SBF2: variants seen among roughly 807,000 people sequenced by gnomAD.
SBF2 encodes SET binding factor 2.
Under a neutral mutation model 225.2 loss-of-function variants are expected in SBF2, and 112 were observed. The observed-to-expected ratio is 0.50, with a 90% CI of 0.43 to 0.58. The LOEUF is 0.58. Among genes scored for constraint, SBF2 ranks in the 20% least tolerant of loss-of-function variants. The pLI is 0.00. For missense variants in SBF2, 1,996 were observed against 2,206.2 expected, an observed-to-expected ratio of 0.90 and a Z score of 1.91; for synonymous variants, 763 against 773.3, an observed-to-expected ratio of 0.99 and a Z score of 0.22.
intron 2 of SBF2, among the ~76,000 whole-genome samples, chr11:10,098,488 A>C (rs904324008): frequency 2.0e-5 from 3 of 151,622 alleles, no homozygotes; most frequent in African/African-American, 7.3e-5. Context: ...AAAAAAAAAA[A>C]CAAAGAAATA....
At chr11:10,103,721 C>G (rs936466300) in intron 2 of SBF2, among the ~76,000 whole-genome samples, 2 of 152,154 alleles carry the variant, frequency 1.3e-5, no homozygotes, top group African/African-American at 4.8e-5. Context: ...TTTTAGGACT[C>G]TCATGGAGAG....
intron 2 of SBF2, among the ~76,000 whole-genome samples, chr11:10,064,397 G>A (rs1373983323): frequency 6.6e-6 from 1 of 151,980 alleles, no homozygotes; most frequent in East Asian, 1.9e-4. Flanking sequence ...CTAAAAGAAG[G>A]CTGAAAAATA....
At chr11:9,928,782 G>A (rs560421114) in intron 16 of SBF2, 8 of 188,258 alleles carry the variant, frequency 4.2e-5, no homozygotes, top group Admixed American at 2.9e-4. Context: ...ACTGGAATAC[G>A]TTCTTAAATA....
At chr11:10,242,384 A>G (rs1026697326) in intron 1 of SBF2, among the ~76,000 whole-genome samples, 2 of 151,944 alleles carry the variant, frequency 1.3e-5, no homozygotes, top group Non-Finnish European at 2.9e-5. Context: ...AGATAAAAAG[A>G]AAAAAAAGTA....
chr11:10,065,188 C>A, intron 2 of SBF2, among the ~76,000 whole-genome samples: 1 of 151,392 alleles, frequency 6.6e-6, no homozygotes, highest in East Asian at 1.9e-4. Flanking sequence ...AAGAAGAAGT[C>A]AAAAGAAAAA....
chr11:10,282,797 A>AT (rs1963501853), intron 1 of SBF2, among the ~76,000 whole-genome samples: 1 of 151,542 alleles, frequency 6.6e-6, no homozygotes, highest in Admixed American at 6.6e-5. Flanking sequence ...AAGAGCTACC[A>AT]TTTTTCAACA....
chr11:9,925,300 A>AT lies in SBF2; in HGVS notation c.1861-29290dup, dbSNP rs902120377. 6.6e-5 allele frequency among the ~76,000 whole-genome samples: 10 copies of AT among 151,738 alleles called. 1 individual carries two copies. The highest frequency in any genetic ancestry group is 4.2e-4 in the South Asian group (2 of 4,814). On this transcript the variant is annotated intron_variant, in intron 16 of 39. Coordinates refer to ENST00000256190, the MANE Select transcript of SBF2 (RefSeq NM_030962.4). Reference sequence around the variant, plus strand: ...TCACTAATGATATATATATATATATATTTTTAGATGGAGTTTTGCTCTTGG... The same window carrying AT: ...TCACTAATGATATATATATATATATATTTTTTAGATGGAGTTTTGCTCTTGG...
At chr11:9,822,148 T>C (rs988916329) in intron 28 of SBF2, among the ~76,000 whole-genome samples, 1 of 152,122 alleles carries the variant, frequency 6.6e-6, no homozygotes, top group Non-Finnish European at 1.5e-5. Flanking sequence ...ACCTTAAAAG[T>C]CTATATTATT....
chr11:10,036,729 A>G (rs1313669449), intron 3 of SBF2, among the ~76,000 whole-genome samples: 1 of 152,158 alleles, frequency 6.6e-6, no homozygotes, highest in African/African-American at 2.4e-5. Context: ...AGTATCCTAT[A>G]CTCTTATATG....
chr11:10,115,308 T>A (rs993632830), intron 2 of SBF2, among the ~76,000 whole-genome samples: 2 of 152,224 alleles, frequency 1.3e-5, no homozygotes, highest in African/African-American at 4.8e-5. Context: ...TGTGTATTTT[T>A]AGAGTAATTG....
At chr11:10,151,723 A>T (rs1252277443) in intron 2 of SBF2, among the ~76,000 whole-genome samples, 1 of 152,174 alleles carries the variant, frequency 6.6e-6, no homozygotes, top group Non-Finnish European at 1.5e-5. Flanking sequence ...TATAACATAA[A>T]ATTATGGACT....
intron 5 of SBF2, 86 bp from the exon 6 acceptor site, chr11:10,028,643 A>T: frequency 9.2e-6 from 8 of 865,202 alleles, no homozygotes; most frequent in Non-Finnish European, 1.6e-5. Context: ...GTTCATTTTT[A>T]GAGCAAACGA....
intron 39 of SBF2, chr11:9,780,779 T>TTGAC: frequency 2.2e-6 from 1 of 465,028 alleles, no homozygotes; most frequent in South Asian, 2.1e-5. Context: ...AGTGTCGTCT[T>TTGAC]TGACTAAGGA....
In SBF2 at chr11:10,303,373, G is replaced by A. The variant is rs1964615772; in HGVS notation, n.386+1119C>T. 1.3e-5 allele frequency: 2 copies of A among 152,330 alleles called. No homozygotes were observed. Among genetic ancestry groups the A allele is most frequent in the East Asian group, 1.9e-4 (1 of 5,196 alleles). 9.4% of individuals were successfully genotyped at this position (152,330 alleles called of 1,614,324 possible). ...GGTCCGCTCAGGTGACTCCTTCCAG[G>A]AAGAGTCCTTAAATAACTTCCGCGC... On this transcript the variant is annotated intron_variant and non_coding_transcript_variant, in intron 1 of 5. Transcript: ENST00000685217. The surrounding 1 kb of genome is among the most constrained non-coding windows in gnomAD (Gnocchi z 5.2).
chr11:9,958,835 C>A, intron 16 of SBF2: 1 of 611,552 alleles, frequency 1.6e-6, no homozygotes, highest in Admixed American at 2.1e-5. Context: ...GGCAGAGAGG[C>A]AATGATCTTC....
chr11:10,120,623 T>C (rs1953392580), intron 2 of SBF2, among the ~76,000 whole-genome samples: 1 of 152,180 alleles, frequency 6.6e-6, no homozygotes, highest in African/African-American at 2.4e-5. Context: ...TGTTTGTTTT[T>C]TCTTCTGTTT....
chr11:9,781,742 T>C, intron 38 of SBF2, 104 bp from the exon 39 acceptor site: 1 of 1,277,840 alleles, frequency 7.8e-7, no homozygotes, highest in South Asian at 1.2e-5. Flanking sequence ...TGGTTATATA[T>C]GCTGAACTAT....
At chr11:10,135,036 G>A (rs1193695650) in intron 2 of SBF2, among the ~76,000 whole-genome samples, 4 of 152,216 alleles carry the variant, frequency 2.6e-5, no homozygotes, top group African/African-American at 9.7e-5. Context: ...GGACATCCAG[G>A]CATTTCCACA....
intron 16 of SBF2, among the ~76,000 whole-genome samples, chr11:9,899,584 C>T (rs181992693): frequency 5.0e-4 from 76 of 150,548 alleles, no homozygotes; most frequent in African/African-American, 1.7e-3. Context: ...ACTAGATGAA[C>T]GGTGAGATTT....
Sources: allele counts gnomAD v4.1 joint callset (sites outside exome capture counted in the v4.1 genomes callset), GRCh38; gene constraint gnomAD v4.1.1; non-coding constraint Gnocchi (gnomAD v3.1); transcripts MANE v1.5; gene names NCBI Gene and HGNC (gene_info 2026-07-23, HGNC 2026-07-21).